The following HEXB variants were observed in gnomAD, a reference collection of about 807,000 sequenced individuals.
The protein encoded by HEXB is beta-hexosaminidase subunit beta.
In HEXB, 51 loss-of-function variants were observed where a neutral mutation model predicts 71.2. The ratio of observed to expected loss-of-function variants is 0.72; its 90% CI spans 0.57 to 0.90. The LOEUF is 0.90. HEXB is among the 40% of genes least tolerant of loss of function. HEXB has a pLI of 0.00. For synonymous variants in HEXB, 266 were observed against 249.3 expected, an observed-to-expected ratio of 1.07 and a Z score of -0.63; for missense variants, 617 against 677.0, an observed-to-expected ratio of 0.91 and a Z score of 0.98.
At chr5:74,671,943 C>A (rs866448455) in intron 1 of HEXB, among the ~76,000 whole-genome samples, 1 of 152,118 alleles carries the variant, frequency 6.6e-6, no homozygotes, top group Non-Finnish European at 1.5e-5. Flanking sequence ...TGGAGACCGG[C>A]GCCTTGGTGA....
intron 6 of HEXB, among the ~76,000 whole-genome samples, chr5:74,712,338 A>C (rs1269216974): frequency 2.0e-5 from 3 of 150,436 alleles, no homozygotes; most frequent in African/African-American, 7.4e-5. Flanking sequence ...CTAGATGACG[A>C]GTTAGTGGGT....
At chr5:74,708,390 C>A (rs890627235) in intron 6 of HEXB, among the ~76,000 whole-genome samples, 1 of 148,060 alleles carries the variant, frequency 6.8e-6, no homozygotes, top group African/African-American at 2.5e-5. Flanking sequence ...AACTAACAAG[C>A]AAAATAACCA....
At chr5:74,649,863 T>G (rs983626418) in intron 1 of HEXB, among the ~76,000 whole-genome samples, 1 of 152,242 alleles carries the variant, frequency 6.6e-6, no homozygotes, top group Non-Finnish European at 1.5e-5. Context: ...CAAATTGCTC[T>G]TTTAAATTTA....
intron 7 of HEXB, among the ~76,000 whole-genome samples, chr5:74,713,837 TTTTTG>T (rs1227222728): frequency 6.6e-6 from 1 of 151,870 alleles, no homozygotes; most frequent in Admixed American, 6.6e-5. Context: ...CTAATTTTTG[TTTTTG>T]TTTTGTTTTG....
At chr5:74,700,001 CTTTTTTT>C (rs58177670) in intron 5 of HEXB, among the ~76,000 whole-genome samples, 1 of 40,366 alleles carries the variant, frequency 2.5e-5, no homozygotes, top group African/African-American at 9.9e-5. Context: ...TGTAAGTTTC[CTTTTTTT>C]TTTTTTTTTT....
rs150778823 is a variant in HEXB, at chr5:74,720,429, T to C, written c.1419T>C (p.Gly473=). ...CTTAATTCAATGATTTTAATTTAGGTACTCAGAAACAGAAACAACTTTTCA... is the reference window on the plus strand; with the variant it reads ...CTTAATTCAATGATTTTAATTTAGGCACTCAGAAACAGAAACAACTTTTCA... The part of the protein sequence containing the change: ...YYKVEPLDFG[G]TQKQKQLFIG... Residue 473 remains glycine, a splice_region_variant and synonymous_variant, in exon 12 of 14, where the codon GGT becomes GGC. Transcript: ENST00000261416. 5 of 1,597,626 alleles carry C rather than the reference T, an allele frequency of 3.1e-6. No homozygotes were observed. In the African/African-American group the frequency reaches 6.7e-5, roughly 21 times the overall value.
At chr5:74,698,937 C>T (rs1749182261) in intron 5 of HEXB, among the ~76,000 whole-genome samples, 1 of 152,012 alleles carries the variant, frequency 6.6e-6, no homozygotes. Context: ...GTAATCCCAG[C>T]ACTTTGGGAG....
Position 74,648,829 on chromosome 5 carries a change from C to CT in HEXB, c.-377+8278dup, listed in dbSNP as rs1417672331. On this transcript the variant is annotated intron_variant, in intron 1 of 13. Coordinates refer to the HEXB transcript ENST00000511181. ...TTATTATGGACAAAAGTTTGTTTTG[C>CT]TTTTTTTGCTTGTTTGTGTGTTTCT... is the stretch of plus-strand genomic sequence containing the variant. Among the ~76,000 whole-genome samples, 15 of 152,210 alleles carry CT rather than the reference C, an allele frequency of 9.9e-5. No individual in the cohort carries two copies. The South Asian group carries it at 2.3e-3, about 23-fold the overall frequency.
intron 1 of HEXB, among the ~76,000 whole-genome samples, chr5:74,671,282 G>A (rs534148064): frequency 6.6e-6 from 1 of 152,038 alleles, no homozygotes. Context: ...ACAACCCAAA[G>A]GTCCATCAAC....
chr5:74,687,907 G>T lies in HEXB; in HGVS notation c.300-1421G>T, dbSNP rs11955177. On this transcript the variant is annotated intron_variant, in intron 1 of 13. Coordinates refer to ENST00000261416, the MANE Select transcript of HEXB (RefSeq NM_000521.4). The stretch of plus-strand genomic sequence containing the variant: ...CCTCTTCTGCAAAAAAGCATAAGAC[G>T]TTCTTACACATAAGTAGCATATATA... 4.4e-3 allele frequency among the ~76,000 whole-genome samples: 671 copies of T among 151,976 alleles called. 5 individuals carry two copies. Among genetic ancestry groups the T allele is most frequent in the Middle Eastern group, 0.017 (5 of 294 alleles).
intron 2 of HEXB, 153 bp downstream of exon 2, chr5:74,689,626 A>AAAG: frequency 1.4e-6 from 1 of 727,096 alleles, no homozygotes; most frequent in East Asian, 2.5e-5. Flanking sequence ...TCTGATTATA[A>AAAG]AAGTAGTACA....
chr5:74,710,141 A>T (rs1312431983), intron 6 of HEXB, among the ~76,000 whole-genome samples: 1 of 152,206 alleles, frequency 6.6e-6, no homozygotes, highest in Non-Finnish European at 1.5e-5. Context: ...ATATACGTAA[A>T]TCAATAAATG....
At chr5:74,689,620 A>T (rs1748950625) in intron 2 of HEXB, 147 bp downstream of exon 2, 1 of 751,492 alleles carries the variant, frequency 1.3e-6, no homozygotes, top group Non-Finnish European at 2.4e-6. Context: ...TTAAAGTCTG[A>T]TTATAAAAGT....
chr5:74,697,754 G>A (rs867449971), intron 5 of HEXB, among the ~76,000 whole-genome samples: 4 of 145,340 alleles, frequency 2.8e-5, no homozygotes, highest in African/African-American at 7.6e-5. Flanking sequence ...AAAGGAATAC[G>A]TGGCCACCAC....
rs191028207 is a variant in HEXB at position 74,696,755 on chromosome 5, A to G, written c.558+16A>G. On this transcript the variant is annotated intron_variant, in intron 4 of 13. Transcript: ENST00000261416. ...TTATGGAACTGTAAGTATGATTATT[A>G]TATGTTACTAAAAATTGTTAGACAA... The G allele has an allele frequency of 7.3e-5, 95 of 1,298,730 alleles. No individual in the cohort carries two copies. The highest frequency in any genetic ancestry group is 3.9e-4 in the Admixed American group (23 of 59,154). 80.5% of individuals were successfully genotyped at this position (1,298,730 alleles called of 1,614,324 possible).
chr5:74,717,451 G>GC (rs1423344663), intron 9 of HEXB, among the ~76,000 whole-genome samples: 2 of 150,212 alleles, frequency 1.3e-5, no homozygotes, highest in Non-Finnish European at 2.9e-5. Flanking sequence ...GCCAGCTGAG[G>GC]CTAGTGACTG....
At chr5:74,697,477 A>G (rs1057430768) in intron 5 of HEXB, among the ~76,000 whole-genome samples, 14 of 152,080 alleles carry the variant, frequency 9.2e-5, no homozygotes, top group South Asian at 2.1e-4. Flanking sequence ...TGTAATCCCA[A>G]CACTTTGGGA....
At chr5:74,665,904 T>C (rs1438550560) in intron 1 of HEXB, among the ~76,000 whole-genome samples, 1 of 152,176 alleles carries the variant, frequency 6.6e-6, no homozygotes, top group Non-Finnish European at 1.5e-5. Flanking sequence ...AGCATTTCTC[T>C]GGGGAGCTAT....
intron 1 of HEXB, among the ~76,000 whole-genome samples, chr5:74,687,910 C>T (rs1748909379): frequency 6.6e-6 from 1 of 152,084 alleles, no homozygotes; most frequent in South Asian, 2.1e-4. Flanking sequence ...ATAAGACGTT[C>T]TTACACATAA....
Sources: allele counts gnomAD v4.1 joint callset (sites outside exome capture counted in the v4.1 genomes callset), GRCh38; gene constraint gnomAD v4.1.1; transcripts MANE v1.5; gene names NCBI Gene and HGNC (gene_info 2026-07-23, HGNC 2026-07-21).